The following RASAL2 variants were observed in gnomAD, a reference collection of about 807,000 sequenced individuals.
RASAL2 encodes the protein RAS protein activator like 2, also known as ras GTPase-activating protein nGAP.
A neutral mutation model predicts 128.9 loss-of-function variants in RASAL2; 58 were observed. The observed-to-expected ratio is 0.45, with a 90% CI of 0.36 to 0.56. RASAL2 has a LOEUF of 0.56. Among genes scored for constraint, RASAL2 ranks in the 20% least tolerant of loss-of-function variants. RASAL2 has a pLI of 0.00. For missense variants in RASAL2, 1,360 were observed against 1,601.6 expected, an observed-to-expected ratio of 0.85 and a Z score of 2.57; for synonymous variants, 561 against 580.8, an observed-to-expected ratio of 0.97 and a Z score of 0.49.
chr1:178,159,161 G>T (rs903921122), intron 1 of RASAL2, among the ~76,000 whole-genome samples: 5 of 152,274 alleles, frequency 3.3e-5, no homozygotes, highest in African/African-American at 1.2e-4. Flanking sequence ...GTACTGTTTG[G>T]TCTTTCAAAC....
At chr1:178,340,276 C>T (rs1393609301) in intron 3 of RASAL2, among the ~76,000 whole-genome samples, 5 of 152,118 alleles carry the variant, frequency 3.3e-5, no homozygotes, top group Non-Finnish European at 5.9e-5. Context: ...TTTCATGTCT[C>T]TTCTGTTCTA....
chr1:178,301,851 A>G (rs1008912569), intron 3 of RASAL2, among the ~76,000 whole-genome samples: 1 of 152,198 alleles, frequency 6.6e-6, no homozygotes, highest in African/African-American at 2.4e-5. Context: ...GTGTTATAGA[A>G]GAGAGAACTA....
chr1:178,198,395 A>G lies in RASAL2; in HGVS notation c.203-85169A>G, dbSNP rs182544375. ...GGGCACTCTGGTTTTTAGAATTTTC[A>G]GCTTTTCTGCTCTGGTTTCTCCCCA... On this transcript the variant is annotated intron_variant, in intron 1 of 17. Coordinates refer to ENST00000367649, the MANE Select transcript of RASAL2 (RefSeq NM_170692.4). 2.4e-3 allele frequency among the ~76,000 whole-genome samples: 370 copies of G among 152,294 alleles called. 1 individual carries two copies. The highest frequency in any genetic ancestry group is 8.6e-3 in the African/African-American group (359 of 41,548).
At chr1:178,304,570 G>A (rs1332090870) in intron 3 of RASAL2, among the ~76,000 whole-genome samples, 1 of 152,074 alleles carries the variant, frequency 6.6e-6, no homozygotes, top group Non-Finnish European at 1.5e-5. Context: ...GTGACATTAG[G>A]GTTCTTGGTA....
intron 1 of RASAL2, among the ~76,000 whole-genome samples, chr1:178,264,705 C>T (rs1288434394): frequency 1.3e-5 from 2 of 152,198 alleles, no homozygotes; most frequent in East Asian, 3.8e-4. Flanking sequence ...AGCATCCTGG[C>T]ATGTGGATGT....
chr1:178,229,898 C>G (rs1049901247), intron 1 of RASAL2, among the ~76,000 whole-genome samples: 1 of 152,122 alleles, frequency 6.6e-6, no homozygotes, highest in Non-Finnish European at 1.5e-5. Flanking sequence ...ATCCAGATCC[C>G]TATCAAAGCT....
chr1:178,432,979 G>T (rs570400656), intron 5 of RASAL2, among the ~76,000 whole-genome samples: 1 of 151,914 alleles, frequency 6.6e-6, no homozygotes, highest in Non-Finnish European at 1.5e-5. Context: ...AAAGCCTTCC[G>T]ATGTACATCT....
intron 8 of RASAL2, among the ~76,000 whole-genome samples, chr1:178,443,678 G>A (rs556929545): frequency 1.3e-5 from 2 of 152,268 alleles, no homozygotes; most frequent in Non-Finnish European, 2.9e-5. Context: ...AAGAGTCTTT[G>A]TGGGATTAAA....
intron 1 of RASAL2, among the ~76,000 whole-genome samples, chr1:178,271,216 TG>T (rs1465485445): frequency 6.6e-6 from 1 of 152,234 alleles, no homozygotes; most frequent in Non-Finnish European, 1.5e-5. Flanking sequence ...TAAATTAGGT[TG>T]GTTCTTAGCT....
At chr1:178,135,293 G>A (rs1201420191) in intron 1 of RASAL2, among the ~76,000 whole-genome samples, 5 of 152,066 alleles carry the variant, frequency 3.3e-5, no homozygotes, top group African/African-American at 1.2e-4. Context: ...TTGCCTACAG[G>A]TGTCTTGACC....
intron 3 of RASAL2, among the ~76,000 whole-genome samples, chr1:178,352,064 C>T (rs1220845992): frequency 1.3e-5 from 2 of 152,176 alleles, no homozygotes; most frequent in African/African-American, 4.8e-5. Context: ...AAATTGAATT[C>T]ATCAAAGGAA....
At chr1:178,410,330 A>G (rs962834737) in intron 4 of RASAL2, among the ~76,000 whole-genome samples, 1 of 152,120 alleles carries the variant, frequency 6.6e-6, no homozygotes, top group Admixed American at 6.6e-5. Context: ...ATGTTGAAGA[A>G]TGAAGCTGGG....
At chr1:178,176,632 AAGAG>A (rs1661902511) in intron 1 of RASAL2, among the ~76,000 whole-genome samples, 1 of 148,414 alleles carries the variant, frequency 6.7e-6, no homozygotes, top group Admixed American at 6.8e-5. Flanking sequence ...TTTTTTGAGA[AAGAG>A]GGAGAGAGAG....
At chr1:178,385,966 A>G (rs1194160440) in intron 3 of RASAL2, among the ~76,000 whole-genome samples, 22 of 152,072 alleles carry the variant, frequency 1.4e-4, no homozygotes, top group Admixed American at 1.4e-3. Context: ...CTCCCTGACT[A>G]CTTTTTATTT....
At chr1:178,424,994 T>C (rs1675428864) in intron 5 of RASAL2, among the ~76,000 whole-genome samples, 1 of 152,140 alleles carries the variant, frequency 6.6e-6, no homozygotes, top group African/African-American at 2.4e-5. Context: ...GAATATAGCA[T>C]AGAGAACCAA....
At chr1:178,289,615 A>C (rs185465300) in intron 2 of RASAL2, among the ~76,000 whole-genome samples, 1 of 152,008 alleles carries the variant, frequency 6.6e-6, no homozygotes, top group East Asian at 1.9e-4. Context: ...GCACCAGGCC[A>C]TCTCTCTTCT....
chr1:178,347,018 A>G (rs536188004), intron 3 of RASAL2, among the ~76,000 whole-genome samples: 1 of 152,260 alleles, frequency 6.6e-6, no homozygotes, highest in South Asian at 2.1e-4. Flanking sequence ...GGTTTTTTTA[A>G]TGGAAGGGTA....
At chr1:178,307,886 A>G (rs919842487) in intron 3 of RASAL2, among the ~76,000 whole-genome samples, 6 of 152,252 alleles carry the variant, frequency 3.9e-5, no homozygotes, top group African/African-American at 1.4e-4. Flanking sequence ...TGCATGTAAC[A>G]TCATAAACAT....
At chr1:178,320,367 G>A (rs1001529035) in intron 3 of RASAL2, among the ~76,000 whole-genome samples, 3 of 152,230 alleles carry the variant, frequency 2.0e-5, no homozygotes, top group Non-Finnish European at 4.4e-5. Context: ...GCAAGCCTGG[G>A]CAATGGTGGG....
Sources: allele counts gnomAD v4.1 joint callset (sites outside exome capture counted in the v4.1 genomes callset), GRCh38; gene constraint gnomAD v4.1.1; transcripts MANE v1.5; gene names NCBI Gene and HGNC (gene_info 2026-07-23, HGNC 2026-07-21).